HCN1: variants seen among roughly 807,000 people sequenced by gnomAD.
HCN1 encodes hyperpolarization activated cyclic nucleotide gated potassium channel 1.
Under a neutral mutation model 78.9 loss-of-function variants are expected in HCN1, and 13 were observed. The ratio of observed to expected loss-of-function variants is 0.16; its 90% confidence interval spans 0.11 to 0.26. HCN1 has a LOEUF of 0.26. HCN1 is among the 10% of genes least tolerant of loss of function. The pLI, the probability that HCN1 is intolerant of heterozygous loss-of-function variation, is 1.00. For missense variants in HCN1, 810 were observed against 1,154.3 expected, an observed-to-expected ratio of 0.70 and a Z score of 4.32; for synonymous variants, 552 against 455.5, an observed-to-expected ratio of 1.21 and a Z score of -2.70.
intron 2 of HCN1, among the ~76,000 whole-genome samples, chr5:45,564,393 T>G (rs1411173246): frequency 6.6e-6 from 1 of 151,998 alleles, no homozygotes; most frequent in Non-Finnish European, 1.5e-5. Context: ...CCCGAGTAGC[T>G]GGGACTACCA....
chr5:45,636,723 T>C (rs1301454043), intron 2 of HCN1, among the ~76,000 whole-genome samples: 2 of 152,054 alleles, frequency 1.3e-5, no homozygotes, highest in African/African-American at 4.8e-5. Context: ...AGTGGTGGCA[T>C]GCACCTGTAA....
At position 45,645,420 on chromosome 5, in the gene HCN1, T is replaced by A; in HGVS notation, c.614A>T (p.Glu205Val). 1 of 1,613,712 alleles carries A rather than the reference T, an allele frequency of 6.2e-7. No individual in the cohort carries two copies. The highest frequency in any genetic ancestry group is 8.5e-7 in the Non-Finnish European group (1 of 1,179,786). The change falls in exon 2 of 8, where the codon GAA becomes GTA. Residue 205 changes from glutamate (E) to valine (V), a missense_variant. Physicochemically the swap from Glu to Val is moderately radical, Grantham distance 121. Transcript: ENST00000303230. ...GATCACTTTGGGGTCCAGGATGATT[T>A]CAGAACTGTCTTCATTGACAGTCCC... ...RTGTVNEDSS[E>V]IILDPKVIKM...
chr5:45,372,175 AT>A (rs1297432554), intron 4 of HCN1, among the ~76,000 whole-genome samples: 2 of 61,572 alleles, frequency 3.2e-5, no homozygotes, highest in East Asian at 1.4e-3. Flanking sequence ...ATATAATTAT[AT>A]TATAATATAA....
chr5:45,646,485 C>T (rs1385239763), intron 1 of HCN1, among the ~76,000 whole-genome samples: 6 of 151,014 alleles, frequency 4.0e-5, no homozygotes, highest in East Asian at 2.0e-4. Context: ...ATTCTCCTCC[C>T]GCCTCAGCCT....
chr5:45,421,705 G>T (rs766910841), intron 3 of HCN1, among the ~76,000 whole-genome samples: 2 of 152,002 alleles, frequency 1.3e-5, no homozygotes, highest in Non-Finnish European at 2.9e-5. Context: ...ACCAGTTTGG[G>T]TTACTCGAAT....
intron 5 of HCN1, among the ~76,000 whole-genome samples, chr5:45,321,477 T>C (rs958727977): frequency 6.7e-6 from 1 of 150,200 alleles, no homozygotes; most frequent in Non-Finnish European, 1.5e-5. Context: ...CCCTGTTATC[T>C]GGATAAAAGT....
chr5:45,587,987 AG>A (rs1744270569), intron 2 of HCN1, among the ~76,000 whole-genome samples: 1 of 152,256 alleles, frequency 6.6e-6, no homozygotes, highest in South Asian at 2.1e-4. Flanking sequence ...AACCCAGAAA[AG>A]GGCCCTCATC....
chr5:45,617,988 A>G (rs981626314), intron 2 of HCN1, among the ~76,000 whole-genome samples: 1 of 152,068 alleles, frequency 6.6e-6, no homozygotes, highest in Non-Finnish European at 1.5e-5. Context: ...TGGTGAAATA[A>G]CAAAGCGTAA....
intron 4 of HCN1, among the ~76,000 whole-genome samples, chr5:45,374,209 ATATATTAT>A (rs1747539536): frequency 8.9e-6 from 1 of 112,990 alleles, no homozygotes; most frequent in Non-Finnish European, 1.8e-5. Context: ...TACATAACAT[ATATATTAT>A]GTACATTATA....
At chr5:45,454,704 T>C (rs936656909) in intron 3 of HCN1, among the ~76,000 whole-genome samples, 1 of 152,034 alleles carries the variant, frequency 6.6e-6, no homozygotes, top group Non-Finnish European at 1.5e-5. Flanking sequence ...TGTCAATCAG[T>C]CATTACCTAA....
At chr5:45,358,842 T>G (rs575779493) in intron 4 of HCN1, among the ~76,000 whole-genome samples, 1 of 152,100 alleles carries the variant, frequency 6.6e-6, no homozygotes, top group Non-Finnish European at 1.5e-5. Flanking sequence ...TAGGAAAGAT[T>G]AACAGAGAGT....
At chr5:45,281,746 C>T (rs1345068494) in intron 6 of HCN1, among the ~76,000 whole-genome samples, 2 of 151,602 alleles carry the variant, frequency 1.3e-5, no homozygotes, top group African/African-American at 2.4e-5. Context: ...CGCCACCACG[C>T]CCGGGGGCTA....
At chr5:45,587,468 A>G (rs924205118) in intron 2 of HCN1, among the ~76,000 whole-genome samples, 18 of 149,348 alleles carry the variant, frequency 1.2e-4, no homozygotes, top group Admixed American at 9.4e-4. Context: ...CAAACACTGC[A>G]TGTTCTCACT....
intron 4 of HCN1, among the ~76,000 whole-genome samples, chr5:45,372,069 ATAT>A (rs1747390333): frequency 1.9e-5 from 1 of 52,210 alleles, no homozygotes; most frequent in East Asian, 9.2e-4. Context: ...ATTATATTAT[ATAT>A]TATATATAAT....
At chr5:45,524,342 G>A (rs1421469533) in intron 2 of HCN1, among the ~76,000 whole-genome samples, 22 of 152,100 alleles carry the variant, frequency 1.4e-4, no homozygotes, top group Non-Finnish European at 2.8e-4. Flanking sequence ...TTGGCGATGA[G>A]GGCTCTTTTT....
chr5:45,462,077 T>A, intron 2 of HCN1, 70 bp from the exon 3 acceptor site: 1 of 1,167,288 alleles, frequency 8.6e-7, no homozygotes, highest in Non-Finnish European at 1.3e-6. Flanking sequence ...CTACTGATAG[T>A]AGGCATTGAT....
intron 1 of HCN1, 130 bp downstream of exon 1, chr5:45,695,539 G>T: frequency 2.3e-6 from 2 of 884,816 alleles, no homozygotes; most frequent in African/African-American, 1.7e-5. Flanking sequence ...CTTAGCCCGA[G>T]CCGACGCCGC....
At chr5:45,600,036 C>T (rs1744591503) in intron 2 of HCN1, among the ~76,000 whole-genome samples, 1 of 152,060 alleles carries the variant, frequency 6.6e-6, no homozygotes, top group Admixed American at 6.6e-5. Flanking sequence ...AGACTAAAAG[C>T]ACTATCAAGC....
rs1052640717 is a variant in HCN1 at position 45,262,342 on chromosome 5, G to A, written c.2252C>T (p.Pro751Leu). ...SQPPQTQPQQ[P>L]SPQPQTPGSS... is the part of the protein sequence containing the mutation. ...GCCAGGTGTCTGTGGCTGCGGGGAC[G>A]GCTGCTGTGGCTGAGTCTGCGGCGG... is the stretch of plus-strand genomic sequence containing the variant. Residue 751 changes from proline (P) to leucine (L), a missense_variant, in exon 8 of 8, where the codon CCG becomes CTG. Around this residue, in one of 6 missense-constraint regions of HCN1, gnomAD observed 398 missense variants for 381.3 expected, o/e 1.04. Coordinates refer to ENST00000303230, the MANE Select transcript of HCN1 (RefSeq NM_021072.4). The A allele has an allele frequency of 1.4e-5, 23 of 1,613,240 alleles. No individual in the cohort carries two copies. The highest frequency in any genetic ancestry group is 1.9e-5 in the Non-Finnish European group (23 of 1,179,844).
Sources: gnomAD v4.1 joint callset for allele counts (sites outside exome capture counted in the v4.1 genomes callset) on GRCh38, gnomAD v4.1.1 for gene constraint, gnomAD v4.1.1 regional missense constraint, MANE v1.5 for transcripts, NCBI Gene and HGNC (gene_info 2026-07-23, HGNC 2026-07-21) for gene names.